KIF7: variants seen among roughly 807,000 people sequenced by gnomAD.
The protein encoded by KIF7 is kinesin-like protein KIF7.
KIF7 carries 104 observed loss-of-function variants against 135.7 expected under a neutral mutation model. The observed-to-expected ratio is 0.77, with a 90% CI of 0.65 to 0.90. The LOEUF (loss-of-function observed/expected upper bound fraction) is 0.90. Ranked by LOEUF, KIF7 falls within the 40% of genes least tolerant of loss-of-function variation. The probability of loss-of-function intolerance (pLI) is 0.00; values close to 1 mark genes in which losing one functional copy is unlikely to be tolerated. For missense variants in KIF7, 2,005 were observed against 1,839.1 expected, an observed-to-expected ratio of 1.09 and a Z score of -1.65; for synonymous variants, 883 against 809.4, an observed-to-expected ratio of 1.09 and a Z score of -1.54.
At chr15:89,634,946 A>C (rs1407272626) in intron 11 of KIF7, among the ~76,000 whole-genome samples, 2 of 152,214 alleles carry the variant, frequency 1.3e-5, no homozygotes, top group Non-Finnish European at 2.9e-5. Context: ...CTTTGAAGAG[A>C]GCAGGGGTTC....
chr15:89,654,784 C>T (rs1172303109), intron 1 of KIF7, among the ~76,000 whole-genome samples: 3 of 152,248 alleles, frequency 2.0e-5, no homozygotes, highest in Non-Finnish European at 4.4e-5. Flanking sequence ...CCACCGCCAG[C>T]CCGGCACTTC....
In KIF7 at chr15:89,646,070, G is replaced by A. The variant is rs765572216; in HGVS notation, c.1789-44C>T. ...TCCCATCCCAAGTCATCATCCCTGC[G>A]ATATACCCCACCTTGCCTGCCCTCC... is the stretch of plus-strand genomic sequence containing the variant. On this transcript the variant is annotated intron_variant, in intron 7 of 18. Coordinates refer to ENST00000394412, the MANE Select transcript of KIF7 (RefSeq NM_198525.3). 1.2e-5 allele frequency: 19 copies of A among 1,611,272 alleles called. No individual in the cohort carries two copies. The South Asian group carries it at 1.4e-4, about 12-fold the overall frequency.
chr15:89,652,807 G>C lies in KIF7; in HGVS notation c.124C>G (p.Pro42Ala), dbSNP rs769021701. ...CCCAGAGTGACGCGGCCAAGCCCTGGCTCCACCTGCAGGCAGCTCTGATGC... is the reference window on the plus strand; with the variant it reads ...CCCAGAGTGACGCGGCCAAGCCCTGCCTCCACCTGCAGGCAGCTCTGATGC... ...HGHQSCLQVE[P>A]GLGRVTLGRD... Residue 42 changes from proline (P) to alanine (A), a missense_variant, in exon 2 of 19, where the codon CCA (proline) becomes GCA (alanine). Pro to Ala is a conservative substitution (Grantham distance 27, BLOSUM62 -1). Coordinates refer to ENST00000394412, the MANE Select transcript of KIF7 (RefSeq NM_198525.3). 11 of 1,550,962 alleles carry C rather than the reference G, an allele frequency of 7.1e-6. No individual in the cohort carries two copies. In the African/African-American group the frequency reaches 1.4e-4, roughly 19 times the overall value.
At chr15:89,624,913 C>A (rs1341543108), downstream of KIF7, 10 of 1,614,100 alleles carry the variant, frequency 6.2e-6, no homozygotes, top group Non-Finnish European at 8.5e-6. Context: ...GAGACAGTGC[C>A]AGGCTTCGGC....
At chr15:89,637,755 G>C (rs1242374521) in intron 11 of KIF7, among the ~76,000 whole-genome samples, 1 of 145,526 alleles carries the variant, frequency 6.9e-6, no homozygotes, top group Non-Finnish European at 1.5e-5. Flanking sequence ...GGAGGAACTG[G>C]TACTATTCCT....
downstream of KIF7, chr15:89,623,780 T>TA: frequency 6.2e-7 from 1 of 1,613,826 alleles, no homozygotes; most frequent in Non-Finnish European, 8.5e-7. Context: ...AAGGAGTCCT[T>TA]AAAAGACTCC....
chr15:89,658,070 A>C (rs1964224633), upstream of KIF7, among the ~76,000 whole-genome samples: 1 of 152,244 alleles, frequency 6.6e-6, no homozygotes. Flanking sequence ...AACCTGGTCC[A>C]TTGTTCATCA....
At chr15:89,651,152 T>C (rs990327223) in intron 2 of KIF7, among the ~76,000 whole-genome samples, 4 of 152,042 alleles carry the variant, frequency 2.6e-5, no homozygotes, top group Non-Finnish European at 5.9e-5. Flanking sequence ...CAGGCTGGAG[T>C]GCGGTGGCCA....
Position 89,649,309 on chromosome 15 carries a change from C to CA in KIF7, c.587dup (p.Glu197GlyfsTer19), listed in dbSNP as rs797044463. On this transcript the variant is annotated frameshift_variant, in exon 4 of 19. Transcript: ENST00000394412. LOFTEE classifies it high-confidence loss of function. Reference sequence around the variant, plus strand: ...TGTGCCGCGCCGCGTTGCCCATCTCCAGGAGGCTCAGCACCTCATCCAGGC... The same window carrying CA: ...TGTGCCGCGCCGCGTTGCCCATCTCCAAGGAGGCTCAGCACCTCATCCAGGC... The CA allele has an allele frequency of 2.1e-5, 31 of 1,487,518 alleles. No individual in the cohort carries two copies. 92.1% of individuals were successfully genotyped at this position (1,487,518 alleles called of 1,614,324 possible).
At chr15:89,648,232 A>G in intron 5 of KIF7, 23 bp downstream of exon 5, 3 of 1,490,486 alleles carry the variant, frequency 2.0e-6, no homozygotes, top group Non-Finnish European at 2.7e-6. Context: ...CACAACCACA[A>G]CCACAACCTG....
At chr15:89,628,858 G>A in intron 18 of KIF7, 72 bp from the exon 19 acceptor site, 2 of 1,610,070 alleles carry the variant, frequency 1.2e-6, no homozygotes, top group Non-Finnish European at 1.7e-6. Context: ...GCTCCCCAGT[G>A]CCCCAGCACA....
At chr15:89,639,294 A>T (rs922634516) in intron 11 of KIF7, among the ~76,000 whole-genome samples, 1 of 152,032 alleles carries the variant, frequency 6.6e-6, no homozygotes, top group African/African-American at 2.4e-5. Context: ...GACAAATGGG[A>T]TCTAATTAAA....
At chr15:89,619,698 G>C (rs777014698) in intron 1 of KIF7, 1 of 1,601,718 alleles carries the variant, frequency 6.2e-7, no homozygotes, top group Non-Finnish European at 8.5e-7. Context: ...CTGTGGTTCT[G>C]ATTTTACAGA....
downstream of KIF7, chr15:89,626,198 A>G: frequency 1.1e-6 from 1 of 877,844 alleles, no homozygotes; most frequent in Non-Finnish European, 1.7e-6. Flanking sequence ...CTACAGCGTC[A>G]TGTGTGCCCT....
At chr15:89,640,040 G>A (rs1344328836) in intron 11 of KIF7, among the ~76,000 whole-genome samples, 1 of 150,630 alleles carries the variant, frequency 6.6e-6, no homozygotes, top group South Asian at 2.1e-4. Flanking sequence ...ACTATCACAA[G>A]AACAAAAAAC....
chr15:89,625,997 T>C (rs764504285), downstream of KIF7: 3 of 1,611,508 alleles, frequency 1.9e-6, no homozygotes, highest in South Asian at 3.3e-5. Context: ...CCCTCCAGGC[T>C]CTGACCCAGT....
At chr15:89,623,991 C>T (rs1039681281), downstream of KIF7, 1 of 1,613,866 alleles carries the variant, frequency 6.2e-7, no homozygotes, top group African/African-American at 1.3e-5. Context: ...CCTGTCCAGC[C>T]CCTCCAACTT....
rs369428239 is a variant in KIF7 at position 89,645,511 on chromosome 15, C to T, written c.1923-60G>A. ...CAGCCCCTGCCCCAGCCTAGCCACCCCCAGGCCTGGAGGGAAGAAGAGAGG... is the reference window on the plus strand; with the variant it reads ...CAGCCCCTGCCCCAGCCTAGCCACCTCCAGGCCTGGAGGGAAGAAGAGAGG... On this transcript the variant is annotated intron_variant, in intron 8 of 18. Coordinates refer to ENST00000394412, the MANE Select transcript of KIF7 (RefSeq NM_198525.3). 3.6e-6 allele frequency: 5 copies of T among 1,374,506 alleles called. No homozygotes were observed. The East Asian group carries it at 1.2e-4, about 34-fold the overall frequency. The allele number at this position is 1,374,506 out of a possible 1,614,324, so 85.1% of individuals were successfully genotyped here.
At chr15:89,633,981 T>C in intron 11 of KIF7, 98 bp from the exon 12 acceptor site, 1 of 1,252,068 alleles carries the variant, frequency 8.0e-7, no homozygotes, top group South Asian at 1.2e-5. Flanking sequence ...AGAGGGCAAA[T>C]GGGTAGGTGG....
Sources: allele counts gnomAD v4.1 joint callset (sites outside exome capture counted in the v4.1 genomes callset), GRCh38; gene constraint gnomAD v4.1.1; transcripts MANE v1.5; gene names NCBI Gene and HGNC (gene_info 2026-07-23, HGNC 2026-07-21).